COBL: variants seen among roughly 807,000 people sequenced by gnomAD.
The protein encoded by COBL is protein cordon-bleu.
A neutral mutation model predicts 98.8 loss-of-function variants in COBL; 51 were observed. The observed-to-expected ratio is 0.52, with a 90% CI of 0.41 to 0.65. COBL has a LOEUF of 0.65. Ranked by LOEUF, COBL falls within the 30% of genes least tolerant of loss-of-function variation. The probability of loss-of-function intolerance (pLI) is 0.00; values close to 1 mark genes in which losing one functional copy is unlikely to be tolerated. For synonymous variants in COBL, 634 were observed against 651.7 expected, an observed-to-expected ratio of 0.97 and a Z score of 0.41; for missense variants, 1,617 against 1,617.5, an observed-to-expected ratio of 1.00 and a Z score of 0.01.
At chr7:51,105,363 G>A (rs896375630) in intron 6 of COBL, among the ~76,000 whole-genome samples, 8 of 152,156 alleles carry the variant, frequency 5.3e-5, no homozygotes, top group East Asian at 1.9e-4. Context: ...CCTGCTGCGC[G>A]AACTTGCTCA....
chr7:51,314,180 C>T (rs1803317845), intron 1 of COBL, among the ~76,000 whole-genome samples: 1 of 152,176 alleles, frequency 6.6e-6, no homozygotes, highest in Non-Finnish European at 1.5e-5. Flanking sequence ...CGTTTGTAGG[C>T]CACAGGGTGA....
intron 6 of COBL, among the ~76,000 whole-genome samples, chr7:51,135,497 A>G (rs1799147694): frequency 6.6e-6 from 1 of 152,146 alleles, no homozygotes; most frequent in Non-Finnish European, 1.5e-5. Flanking sequence ...AAGCAGGCTG[A>G]TAAGGAAATT....
At chr7:51,109,662 C>A (rs1461892796) in intron 6 of COBL, among the ~76,000 whole-genome samples, 1 of 152,136 alleles carries the variant, frequency 6.6e-6, no homozygotes, top group Non-Finnish European at 1.5e-5. Flanking sequence ...TCATTTATTT[C>A]TCAAAAATTT....
At chr7:51,293,023 A>C (rs949867379) in intron 1 of COBL, among the ~76,000 whole-genome samples, 8 of 152,354 alleles carry the variant, frequency 5.3e-5, no homozygotes, top group African/African-American at 1.9e-4. Flanking sequence ...AATTCAATAA[A>C]CTTCACACAC....
At chr7:51,210,984 T>G (rs945790930) in intron 2 of COBL, among the ~76,000 whole-genome samples, 5 of 152,168 alleles carry the variant, frequency 3.3e-5, no homozygotes, top group African/African-American at 1.2e-4. Context: ...CTACTCTCTG[T>G]GGGTTTTCCT....
At chr7:51,313,227 T>G (rs1584476479) in intron 1 of COBL, among the ~76,000 whole-genome samples, 2 of 150,028 alleles carry the variant, frequency 1.3e-5, no homozygotes, top group East Asian at 4.3e-4. Flanking sequence ...AGCTTCCTAT[T>G]ATGGTGTAGA....
At chr7:51,231,192 C>A (rs889300972) in intron 1 of COBL, among the ~76,000 whole-genome samples, 1 of 152,178 alleles carries the variant, frequency 6.6e-6, no homozygotes, top group South Asian at 2.1e-4. Context: ...GGGATCTAAG[C>A]CTTCAGTTAG....
intron 2 of COBL, among the ~76,000 whole-genome samples, chr7:51,204,077 A>G (rs993657589): frequency 2.6e-5 from 4 of 152,212 alleles, no homozygotes; most frequent in Admixed American, 1.3e-4. Context: ...ACATTTGCAA[A>G]TTAATCAATG....
intron 7 of COBL, among the ~76,000 whole-genome samples, chr7:51,048,276 C>G (rs1276321621): frequency 6.6e-6 from 1 of 152,156 alleles, no homozygotes; most frequent in Non-Finnish European, 1.5e-5. Flanking sequence ...AAATTTCCAT[C>G]ATGAGTTCAG....
At chr7:51,249,053 T>C (rs1316094691) in intron 1 of COBL, among the ~76,000 whole-genome samples, 1 of 152,264 alleles carries the variant, frequency 6.6e-6, no homozygotes, top group Non-Finnish European at 1.5e-5. Flanking sequence ...AATTTATTTA[T>C]CCAAGTCTGC....
At chr7:51,220,703 CA>C (rs1430744977) in intron 1 of COBL, among the ~76,000 whole-genome samples, 2 of 152,136 alleles carry the variant, frequency 1.3e-5, no homozygotes, top group Non-Finnish European at 2.9e-5. Flanking sequence ...AATTGCGTGT[CA>C]CCAGGGTTAG....
intron 6 of COBL, among the ~76,000 whole-genome samples, chr7:51,133,463 C>CA (rs1798937419): frequency 6.6e-6 from 1 of 152,170 alleles, no homozygotes; most frequent in Non-Finnish European, 1.5e-5. Flanking sequence ...GGGTGGTTCT[C>CA]AAAGTGGGGT....
chr7:51,226,929 C>T (rs1190373806), intron 1 of COBL, among the ~76,000 whole-genome samples: 1 of 152,170 alleles, frequency 6.6e-6, no homozygotes, highest in South Asian at 2.1e-4. Context: ...AGTTAAGTAA[C>T]CTTCTCACAA....
intron 5 of COBL, among the ~76,000 whole-genome samples, chr7:51,178,947 T>C (rs1251292259): frequency 6.6e-6 from 1 of 152,214 alleles, no homozygotes; most frequent in African/African-American, 2.4e-5. Flanking sequence ...TTTTTGCTTT[T>C]TGAAATCTTT....
intron 1 of COBL, among the ~76,000 whole-genome samples, chr7:51,262,214 C>T (rs1277325464): frequency 2.6e-5 from 4 of 152,092 alleles, no homozygotes; most frequent in African/African-American, 4.8e-5. Flanking sequence ...GCCACATCCT[C>T]GAGAACACAA....
At chr7:51,189,839 A>G (rs1409663606) in intron 4 of COBL, among the ~76,000 whole-genome samples, 1 of 152,186 alleles carries the variant, frequency 6.6e-6, no homozygotes, top group Non-Finnish European at 1.5e-5. Context: ...TGATCATTCT[A>G]AGGTCAAGGA....
Position 51,316,623 on chromosome 7 carries a change from G to C in COBL, c.11C>G (p.Pro4Arg). 6.7e-6 allele frequency: 8 copies of C among 1,201,878 alleles called. No homozygotes were observed. Among genetic ancestry groups the C allele is most frequent in the Non-Finnish European group, 8.3e-6 (8 of 968,746 alleles). 74.5% of individuals were successfully genotyped at this position (1,201,878 alleles called of 1,614,324 possible). A position where few individuals can be genotyped will look rare whatever the true frequency, so the allele number is the denominator to read the frequency against. MDA[P>R]RASAAKPPTG... is the part of the protein sequence containing the mutation. ...CGGGGGCTTGGCCGCCGAGGCGCGC[G>C]GCGCGTCCATGGTGCCGGGGGCCGG... The change falls in exon 1 of 13, where the codon CCG becomes CGG. Residue 4 changes from proline to arginine, a missense_variant. This residue lies in a region of COBL where 238 missense variants were observed against 215.0 expected (regional missense o/e 1.11). Coordinates refer to ENST00000265136, the MANE Select transcript of COBL (RefSeq NM_015198.5).
At chr7:51,295,885 T>A (rs1256169458) in intron 1 of COBL, among the ~76,000 whole-genome samples, 1 of 152,242 alleles carries the variant, frequency 6.6e-6, no homozygotes, top group Non-Finnish European at 1.5e-5. Context: ...GAGTAATCCC[T>A]AAGCTACTAT....
intron 1 of COBL, among the ~76,000 whole-genome samples, chr7:51,283,643 C>T (rs1403227765): frequency 6.6e-6 from 1 of 151,984 alleles, no homozygotes; most frequent in Non-Finnish European, 1.5e-5. Context: ...CACCACCACG[C>T]CCAGCTAATT....
Sources: gnomAD v4.1 joint callset for allele counts (sites outside exome capture counted in the v4.1 genomes callset) on GRCh38, gnomAD v4.1.1 for gene constraint, gnomAD v4.1.1 regional missense constraint, MANE v1.5 for transcripts, NCBI Gene and HGNC (gene_info 2026-07-23, HGNC 2026-07-21) for gene names.